Variants in ARHGAP24 observed in about 807,000 individuals in gnomAD.
ARHGAP24 encodes the protein rho GTPase-activating protein 24.
Under a neutral mutation model 76.4 loss-of-function variants are expected in ARHGAP24, and 50 were observed. That is an observed-to-expected ratio of 0.65 (90% confidence interval 0.52 to 0.83). The LOEUF is 0.83. Among genes scored for constraint, ARHGAP24 ranks in the 40% least tolerant of loss-of-function variants. The pLI is 0.00. For missense variants in ARHGAP24, 930 were observed against 914.2 expected (o/e 1.02, Z -0.22); for synonymous variants, 345 against 323.3 (o/e 1.07, Z -0.72).
At chr4:85,829,932 A>G (rs1729904880) in intron 3 of ARHGAP24, among the ~76,000 whole-genome samples, 1 of 152,240 alleles carries the variant, frequency 6.6e-6, no homozygotes. Context: ...TTAGATAACT[A>G]GCTTACCTCA....
chr4:85,607,335 C>A (rs796891125), intron 2 of ARHGAP24, among the ~76,000 whole-genome samples: 1 of 146,334 alleles, frequency 6.8e-6, no homozygotes, highest in African/African-American at 2.5e-5. Context: ...TACCAAGGAT[C>A]GTCAAAAAGA....
intron 2 of ARHGAP24, chr4:85,570,932 A>G (rs1727115478): frequency 1.9e-6 from 1 of 523,900 alleles, no homozygotes; most frequent in Non-Finnish European, 3.3e-6. Flanking sequence ...CTTGTCTAAT[A>G]TTAATTTTAA....
intron 8 of ARHGAP24, among the ~76,000 whole-genome samples, chr4:85,989,225 A>AT (rs1226770797): frequency 4.6e-5 from 7 of 151,830 alleles, no homozygotes; most frequent in African/African-American, 1.7e-4. Flanking sequence ...CAAAGGTCTT[A>AT]CAGATGTTAA....
intron 3 of ARHGAP24, among the ~76,000 whole-genome samples, chr4:85,894,982 AAAAAAACAAAAC>A (rs1734074483): frequency 3.8e-4 from 8 of 21,194 alleles, no homozygotes; most frequent in Non-Finnish European, 6.5e-4. Context: ...AAAAAAAAAA[AAAAAAACAAAAC>A]AAAAAGCAAA....
At chr4:85,709,146 A>G (rs897954262) in intron 2 of ARHGAP24, among the ~76,000 whole-genome samples, 1 of 152,146 alleles carries the variant, frequency 6.6e-6, no homozygotes, top group African/African-American at 2.4e-5. Context: ...TTCTAGGGCT[A>G]CAATCCCTGA....
chr4:85,769,542 A>G (rs1727051558), intron 3 of ARHGAP24, among the ~76,000 whole-genome samples: 1 of 152,216 alleles, frequency 6.6e-6, no homozygotes, highest in Non-Finnish European at 1.5e-5. Flanking sequence ...GTGTATAATT[A>G]TACATATATA....
chr4:86,000,064 C>T, intron 9 of ARHGAP24: 1 of 168,140 alleles, frequency 5.9e-6, no homozygotes, highest in South Asian at 1.3e-4. Flanking sequence ...TTATAGAAGG[C>T]AAATGTTATT....
intron 3 of ARHGAP24, among the ~76,000 whole-genome samples, chr4:85,753,150 T>C (rs1490086231): frequency 6.6e-6 from 1 of 152,228 alleles, no homozygotes; most frequent in Non-Finnish European, 1.5e-5. Context: ...GAATGTGTCT[T>C]TTTGAAGCTA....
intron 2 of ARHGAP24, among the ~76,000 whole-genome samples, chr4:85,720,180 G>A (rs1355858049): frequency 6.6e-6 from 1 of 152,002 alleles, no homozygotes; most frequent in Non-Finnish European, 1.5e-5. Flanking sequence ...AAGTTAATGG[G>A]TGCAGCACAC....
intron 2 of ARHGAP24, among the ~76,000 whole-genome samples, chr4:85,619,779 T>C (rs1174084390): frequency 6.6e-6 from 1 of 152,034 alleles, no homozygotes; most frequent in Non-Finnish European, 1.5e-5. Context: ...AGAAACACTA[T>C]TGATTTTTGT....
At chr4:85,991,714 C>T (rs1007775932) in intron 8 of ARHGAP24, 1 of 154,692 alleles carries the variant, frequency 6.5e-6, no homozygotes, top group Non-Finnish European at 1.4e-5. Context: ...GGAACTGACT[C>T]CAAAGAGGCA....
intron 2 of ARHGAP24, among the ~76,000 whole-genome samples, chr4:85,628,464 G>A (rs796756564): frequency 1.1e-4 from 17 of 152,244 alleles, no homozygotes; most frequent in African/African-American, 4.1e-4. Flanking sequence ...TTGGATGGAA[G>A]GAATACGGCT....
intron 1 of ARHGAP24, among the ~76,000 whole-genome samples, chr4:85,523,341 G>A (rs767113136): frequency 1.4e-4 from 21 of 152,102 alleles, no homozygotes; most frequent in Admixed American, 2.6e-4. Context: ...ATTTTAAAGA[G>A]TAACTTGCAG....
intron 2 of ARHGAP24, among the ~76,000 whole-genome samples, chr4:85,682,312 T>G (rs1046325805): frequency 3.3e-5 from 5 of 152,262 alleles, no homozygotes; most frequent in African/African-American, 4.8e-5. Flanking sequence ...TTGAAAATAG[T>G]ATGCTAGTTT....
chr4:85,829,307 T>G lies in ARHGAP24; in HGVS notation c.269-94341T>G, dbSNP rs148766399. Among the ~76,000 whole-genome samples, 674 of 152,332 alleles carry G rather than the reference T, an allele frequency of 4.4e-3. 6 individuals are homozygous for G. Among genetic ancestry groups the G allele is most frequent in the African/African-American group, 0.015 (627 of 41,576 alleles). On this transcript the variant is annotated intron_variant, in intron 3 of 9. Coordinates refer to ENST00000395184, the MANE Select transcript of ARHGAP24 (RefSeq NM_001025616.3). The stretch of plus-strand genomic sequence containing the variant: ...AAAAGGCAGTGAACATTAAAATTAT[T>G]CAAAACAATTAACAAAGAACATATA...
chr4:85,745,153 C>A (rs547093314), intron 3 of ARHGAP24, among the ~76,000 whole-genome samples: 2 of 151,828 alleles, frequency 1.3e-5, no homozygotes, highest in Non-Finnish European at 2.9e-5. Context: ...TAAATTTAAC[C>A]AGCGGCCGGG....
chr4:85,481,107 A>G (rs2110087137), intron 1 of ARHGAP24, among the ~76,000 whole-genome samples: 1 of 152,310 alleles, frequency 6.6e-6, no homozygotes, highest in South Asian at 2.1e-4. Flanking sequence ...TCTTCTACGT[A>G]CCAAGTACTC....
chr4:85,775,189 AG>A (rs1396604957), intron 3 of ARHGAP24, among the ~76,000 whole-genome samples: 1 of 146,586 alleles, frequency 6.8e-6, no homozygotes, highest in Non-Finnish European at 1.5e-5. Context: ...GCTTAACCAG[AG>A]TGGTCGGGAA....
chr4:85,896,693 T>C (rs1206835532), intron 3 of ARHGAP24, among the ~76,000 whole-genome samples: 1 of 151,598 alleles, frequency 6.6e-6, no homozygotes, highest in African/African-American at 2.4e-5. Context: ...CGTAGCAGTG[T>C]TTCATGCTTG....
Sources: gnomAD v4.1 joint callset for allele counts (sites outside exome capture counted in the v4.1 genomes callset) on GRCh38, gnomAD v4.1.1 for gene constraint, MANE v1.5 for transcripts, NCBI Gene and HGNC (gene_info 2026-07-23, HGNC 2026-07-21) for gene names.